ADAMTSL1: variants seen among roughly 807,000 people sequenced by gnomAD.
ADAMTSL1 encodes the protein ADAMTS-like protein 1.
Under a neutral mutation model 201.8 loss-of-function variants are expected in ADAMTSL1, and 126 were observed. The observed-to-expected ratio is 0.62, with a 90% CI of 0.54 to 0.72. The LOEUF (loss-of-function observed/expected upper bound fraction) is 0.72. ADAMTSL1 is among the 30% of genes least tolerant of loss of function. The pLI is 0.00. For missense variants in ADAMTSL1, 2,679 were observed against 2,277.8 expected (o/e 1.18, Z -3.59); for synonymous variants, 1,121 against 903.4 (o/e 1.24, Z -4.32).
intron 2 of ADAMTSL1, among the ~76,000 whole-genome samples, chr9:18,350,338 GA>G (rs1232622092): frequency 6.6e-6 from 1 of 151,918 alleles, no homozygotes; most frequent in Non-Finnish European, 1.5e-5. Context: ...GGGCAGGGGG[GA>G]AAAAGAGGTC....
intron 1 of ADAMTSL1, among the ~76,000 whole-genome samples, chr9:18,118,703 G>C (rs911110985): frequency 1.3e-5 from 2 of 152,170 alleles, no homozygotes; most frequent in African/African-American, 2.4e-5. Flanking sequence ...CCTAGGATTA[G>C]GTGGGACTTA....
intron 2 of ADAMTSL1, among the ~76,000 whole-genome samples, chr9:18,248,213 G>A (rs991544230): frequency 6.6e-6 from 1 of 152,114 alleles, no homozygotes; most frequent in African/African-American, 2.4e-5. Context: ...TGCTCATTCT[G>A]TATGGCAGTG....
At chr9:18,238,594 T>G (rs114226205) in intron 2 of ADAMTSL1, among the ~76,000 whole-genome samples, 2,515 of 152,306 alleles carry the variant, frequency 0.017, 57 homozygotes, top group African/African-American at 0.044. Context: ...TGGTTTGACA[T>G]GTAATAGGCA....
intron 24 of ADAMTSL1, among the ~76,000 whole-genome samples, chr9:18,888,303 C>T (rs546873513): frequency 6.6e-6 from 1 of 152,294 alleles, no homozygotes; most frequent in African/African-American, 2.4e-5. Context: ...TTTAATGCTG[C>T]TGTTGCTCAG....
intron 2 of ADAMTSL1, among the ~76,000 whole-genome samples, chr9:18,216,535 A>C (rs1394357671): frequency 6.6e-6 from 1 of 152,114 alleles, no homozygotes; most frequent in Non-Finnish European, 1.5e-5. Flanking sequence ...TGGCAGCAGC[A>C]TCAAGCTCCC....
intron 1 of ADAMTSL1, among the ~76,000 whole-genome samples, chr9:17,968,476 A>G (rs1326665269): frequency 6.6e-6 from 1 of 152,170 alleles, no homozygotes; most frequent in African/African-American, 2.4e-5. Flanking sequence ...AAGGTGAGGC[A>G]GATGAAATTA....
intron 2 of ADAMTSL1, among the ~76,000 whole-genome samples, chr9:18,184,084 A>G (rs2026904): frequency 7.9e-4 from 121 of 152,328 alleles, no homozygotes; most frequent in Non-Finnish European, 1.3e-3. Context: ...TCCGAAATGT[A>G]ACAAATGCTG....
At chr9:18,087,806 T>C (rs1823831777) in intron 1 of ADAMTSL1, among the ~76,000 whole-genome samples, 1 of 152,182 alleles carries the variant, frequency 6.6e-6, no homozygotes, top group Non-Finnish European at 1.5e-5. Context: ...TTGCTAAGGT[T>C]CTTGGTCTTT....
intron 4 of ADAMTSL1, among the ~76,000 whole-genome samples, chr9:18,577,986 CTTTTTTTTTT>C (rs71304880): frequency 7.0e-6 from 1 of 142,354 alleles, no homozygotes; most frequent in African/African-American, 2.6e-5. Context: ...TTACTTTTCT[CTTTTTTTTTT>C]TTTTTTCCAG....
chr9:18,768,100 C>A (rs1434225185), intron 16 of ADAMTSL1, among the ~76,000 whole-genome samples: 2 of 152,214 alleles, frequency 1.3e-5, no homozygotes, highest in African/African-American at 4.8e-5. Flanking sequence ...ACTCTCCAAC[C>A]TGAATCATGG....
chr9:18,076,727 G>A (rs529338754), intron 1 of ADAMTSL1, among the ~76,000 whole-genome samples: 1 of 152,152 alleles, frequency 6.6e-6, no homozygotes, highest in South Asian at 2.1e-4. Flanking sequence ...CTGGGAGACA[G>A]GATTTTGTTG....
At chr9:18,774,910 T>C (rs1776567020) in intron 17 of ADAMTSL1, among the ~76,000 whole-genome samples, 1 of 152,196 alleles carries the variant, frequency 6.6e-6, no homozygotes, top group Admixed American at 6.5e-5. Flanking sequence ...AGTAGTAAAA[T>C]TGCTAGGTCT....
At chr9:18,347,987 G>C (rs558673990) in intron 2 of ADAMTSL1, among the ~76,000 whole-genome samples, 1 of 152,264 alleles carries the variant, frequency 6.6e-6, no homozygotes, top group East Asian at 1.9e-4. Flanking sequence ...TTAAAGGGAA[G>C]AAGAAAGGAA....
At chr9:18,882,011 G>T (rs575067888) in intron 23 of ADAMTSL1, among the ~76,000 whole-genome samples, 19 of 152,272 alleles carry the variant, frequency 1.2e-4, no homozygotes, top group African/African-American at 3.6e-4. Context: ...GGAGGAGGGA[G>T]GAATTTGGAT....
intron 1 of ADAMTSL1, among the ~76,000 whole-genome samples, chr9:18,088,916 C>G (rs1587016657): frequency 6.6e-6 from 1 of 152,096 alleles, no homozygotes; most frequent in Non-Finnish European, 1.5e-5. Context: ...ATCAGGATCT[C>G]AAGGAGATAT....
chr9:18,567,471 A>G lies in ADAMTSL1; in HGVS notation c.238-6559A>G, dbSNP rs577365097. ...ACAGAGCCAGAAAAAAGAAAAAACA[A>G]AAAGGTTTTGGCCTGAAGAGTATAG... On this transcript the variant is annotated intron_variant, in intron 3 of 28. Transcript: ENST00000380548. Among the ~76,000 whole-genome samples, 4 of 152,312 alleles carry G rather than the reference A, an allele frequency of 2.6e-5. No homozygotes were observed. The East Asian group carries it at 5.8e-4, about 22-fold the overall frequency.
intron 2 of ADAMTSL1, among the ~76,000 whole-genome samples, chr9:18,447,663 G>A (rs895680608): frequency 1.4e-4 from 21 of 152,196 alleles, no homozygotes; most frequent in Non-Finnish European, 1.5e-5. Flanking sequence ...GACATACACT[G>A]CTAAAGAGTC....
chr9:18,081,293 T>G (rs1213196675), intron 1 of ADAMTSL1, among the ~76,000 whole-genome samples: 1 of 152,204 alleles, frequency 6.6e-6, no homozygotes, highest in Non-Finnish European at 1.5e-5. Flanking sequence ...AATATAATAT[T>G]CAGAGTAATT....
At chr9:17,980,899 AG>A (rs1259607924) in intron 1 of ADAMTSL1, among the ~76,000 whole-genome samples, 52 of 152,152 alleles carry the variant, frequency 3.4e-4, no homozygotes, top group Admixed American at 3.4e-3. Flanking sequence ...CAGAAGGTGA[AG>A]GGAAGCCAGT....
Sources: allele counts gnomAD v4.1 joint callset (sites outside exome capture counted in the v4.1 genomes callset), GRCh38; gene constraint gnomAD v4.1.1; transcripts MANE v1.5; gene names NCBI Gene and HGNC (gene_info 2026-07-23, HGNC 2026-07-21).